The following RORA variants were observed in gnomAD, a reference collection of about 807,000 sequenced individuals.
RORA encodes nuclear receptor ROR-alpha.
In RORA, 7 loss-of-function variants were observed where a neutral mutation model predicts 69.5. The observed-to-expected ratio is 0.10, with a 90% CI of 0.06 to 0.19. The LOEUF is 0.19. RORA is among the 10% of genes least tolerant of loss of function. The pLI is 1.00. For missense variants in RORA, 457 were observed against 663.0 expected (o/e 0.69, Z 3.41); for synonymous variants, 261 against 240.8 (o/e 1.08, Z -0.78).
chr15:60,546,084 C>A (rs1417493096), intron 2 of RORA, among the ~76,000 whole-genome samples: 1 of 152,158 alleles, frequency 6.6e-6, no homozygotes, highest in African/African-American at 2.4e-5. Context: ...GCTTTCTCAC[C>A]CTTCTTCTAA....
At chr15:60,592,434 A>G in intron 2 of RORA, 1 of 1,427,286 alleles carries the variant, frequency 7.0e-7, no homozygotes, top group Middle Eastern at 2.4e-4. Flanking sequence ...CGCGGTGCGG[A>G]GAGCGCAGGG....
At chr15:60,751,327 G>A (rs534177851) in intron 1 of RORA, among the ~76,000 whole-genome samples, 33 of 152,278 alleles carry the variant, frequency 2.2e-4, no homozygotes, top group African/African-American at 7.2e-4. Flanking sequence ...GTGGGAATAA[G>A]AAGTGGGACT....
chr15:60,697,557 A>G (rs1192228249), intron 1 of RORA, among the ~76,000 whole-genome samples: 1 of 151,588 alleles, frequency 6.6e-6, no homozygotes, highest in Non-Finnish European at 1.5e-5. Context: ...TATTTCCTTC[A>G]AGTCTACTTT....
intron 1 of RORA, among the ~76,000 whole-genome samples, chr15:60,966,176 C>T (rs1893550162): frequency 6.6e-6 from 1 of 152,174 alleles, no homozygotes; most frequent in African/African-American, 2.4e-5. Flanking sequence ...TCCACATTTC[C>T]TCTTCTTATA....
intron 1 of RORA, among the ~76,000 whole-genome samples, chr15:61,104,904 A>G (rs1356825101): frequency 2.0e-5 from 3 of 152,078 alleles, no homozygotes; most frequent in African/African-American, 7.2e-5. Flanking sequence ...TGATGGTTTT[A>G]TAAGGGGAAA....
chr15:60,675,191 C>T (rs2070534725), intron 2 of RORA, among the ~76,000 whole-genome samples: 1 of 152,162 alleles, frequency 6.6e-6, no homozygotes, highest in South Asian at 2.1e-4. Context: ...GACTCGTTGT[C>T]CTTGGCAAAT....
intron 1 of RORA, among the ~76,000 whole-genome samples, chr15:61,119,083 G>A (rs113021597): frequency 3.3e-4 from 30 of 90,658 alleles, no homozygotes; most frequent in East Asian, 2.1e-3. Flanking sequence ...TTAACAGAAG[G>A]GGGGGGGGGG....
At chr15:60,593,886 C>G (rs2068609455) in intron 2 of RORA, among the ~76,000 whole-genome samples, 1 of 152,132 alleles carries the variant, frequency 6.6e-6, no homozygotes, top group South Asian at 2.1e-4. Flanking sequence ...ATTTAAAACA[C>G]AAGCAAATAA....
intron 2 of RORA, among the ~76,000 whole-genome samples, chr15:60,634,273 C>A (rs1465172634): frequency 6.6e-6 from 1 of 152,196 alleles, no homozygotes; most frequent in African/African-American, 2.4e-5. Context: ...TTGGGATGTC[C>A]TTTAAAGTCA....
intron 1 of RORA, among the ~76,000 whole-genome samples, chr15:60,739,819 T>A (rs4775290): frequency 0.31 from 47,545 of 152,032 alleles, 9,644 homozygotes; most frequent in Non-Finnish European, 0.46. Flanking sequence ...AGGAAACGAT[T>A]TCTTTTTTTA....
intron 3 of RORA, among the ~76,000 whole-genome samples, chr15:60,527,026 G>A (rs1368723440): frequency 6.6e-6 from 1 of 152,190 alleles, no homozygotes; most frequent in Non-Finnish European, 1.5e-5. Flanking sequence ...GTGGGTAGAA[G>A]AGGAAGCTTT....
intron 1 of RORA, among the ~76,000 whole-genome samples, chr15:61,122,713 C>G (rs2079114314): frequency 6.6e-6 from 1 of 152,042 alleles, no homozygotes; most frequent in Non-Finnish European, 1.5e-5. Flanking sequence ...TGTCTGGAAT[C>G]CCTCTCTGGT....
At chr15:61,000,111 G>A (rs972045319) in intron 1 of RORA, among the ~76,000 whole-genome samples, 1 of 152,042 alleles carries the variant, frequency 6.6e-6, no homozygotes, top group Non-Finnish European at 1.5e-5. Context: ...TTTAACAGAT[G>A]TAAAATTATA....
intron 1 of RORA, among the ~76,000 whole-genome samples, chr15:60,975,344 C>T (rs1251930941): frequency 6.6e-6 from 1 of 152,174 alleles, no homozygotes; most frequent in Non-Finnish European, 1.5e-5. Context: ...TACTGGGTGC[C>T]TGATTCTAGG....
At chr15:60,866,767 A>G (rs1286116495) in intron 1 of RORA, among the ~76,000 whole-genome samples, 2 of 152,008 alleles carry the variant, frequency 1.3e-5, no homozygotes, top group Non-Finnish European at 1.5e-5. Context: ...CATCCCCTAT[A>G]TCTTGTCTTA....
chr15:61,058,124 GT>G (rs1332945904), intron 1 of RORA, among the ~76,000 whole-genome samples: 1 of 152,174 alleles, frequency 6.6e-6, no homozygotes, highest in Non-Finnish European at 1.5e-5. Flanking sequence ...AGGGCAGGGG[GT>G]CCCCTGGTAG....
intron 1 of RORA, among the ~76,000 whole-genome samples, chr15:60,957,026 G>A (rs753152897): frequency 2.6e-5 from 4 of 152,238 alleles, no homozygotes; most frequent in Non-Finnish European, 5.9e-5. Flanking sequence ...TCAGGTGAGA[G>A]CTGAAGGGAA....
chr15:60,614,516 C>T (rs1438776144), intron 2 of RORA, among the ~76,000 whole-genome samples: 5 of 152,058 alleles, frequency 3.3e-5, no homozygotes, highest in East Asian at 1.9e-4. Context: ...ATTCATAGGG[C>T]GCATTGATGA....
intron 1 of RORA, among the ~76,000 whole-genome samples, chr15:61,146,374 TCA>T (rs1252953494): frequency 6.6e-6 from 1 of 151,690 alleles, no homozygotes; most frequent in Non-Finnish European, 1.5e-5. Context: ...CCAAAGAAAA[TCA>T]CAGATTAATT....
Sources: allele counts gnomAD v4.1 joint callset (sites outside exome capture counted in the v4.1 genomes callset), GRCh38; gene constraint gnomAD v4.1.1; transcripts MANE v1.5; gene names NCBI Gene and HGNC (gene_info 2026-07-23, HGNC 2026-07-21).